TTC39A: variants seen among roughly 807,000 people sequenced by gnomAD.
TTC39A encodes the protein tetratricopeptide repeat domain 39A.
In TTC39A, 46 loss-of-function variants were observed where a neutral mutation model predicts 82.3. That is an observed-to-expected ratio of 0.56 (90% CI 0.44 to 0.71). The LOEUF is 0.71. Ranked by LOEUF, TTC39A falls within the 30% of genes least tolerant of loss-of-function variation. The probability of loss-of-function intolerance (pLI) is 0.00; values close to 1 mark genes in which losing one functional copy is unlikely to be tolerated. For synonymous variants in TTC39A, 254 were observed against 275.2 expected (o/e 0.92, Z 0.76); for missense variants, 543 against 712.9 (o/e 0.76, Z 2.71).
chr1:51,339,463 G>A (rs1467020996), intron 1 of TTC39A, among the ~76,000 whole-genome samples: 1 of 152,224 alleles, frequency 6.6e-6, no homozygotes, highest in African/African-American at 2.4e-5. Context: ...TGGGCTAAGA[G>A]AAAAATTCCT....
chr1:51,296,386 TG>T (rs1644427501), intron 12 of TTC39A, among the ~76,000 whole-genome samples: 1 of 152,192 alleles, frequency 6.6e-6, no homozygotes, highest in South Asian at 2.1e-4. Context: ...CTTGAAGCAG[TG>T]GCAAGAAGAA....
Position 51,301,654 on chromosome 1 carries a change from A to G in TTC39A, c.971T>C (p.Met324Thr). ...CTGGCCCTTGTAGGTGAAGCACCACATCAGCTCCCAGTAGCACATGTGGTG... is the reference window on the plus strand; with the variant it reads ...CTGGCCCTTGTAGGTGAAGCACCACGTCAGCTCCCAGTAGCACATGTGGTG... ...QFHHMCYWEL[M>T]WCFTYKGQWK... is the part of the protein sequence containing the mutation. Residue 324 changes from methionine to threonine, a missense_variant, in exon 12 of 18, where the codon ATG becomes ACG. Met to Thr is a moderately conservative substitution (Grantham distance 81, BLOSUM62 -1). Transcript: ENST00000680483. 1.9e-6 allele frequency: 3 copies of G among 1,613,880 alleles called. No homozygotes were observed. The highest frequency in any genetic ancestry group is 2.5e-6 in the Non-Finnish European group (3 of 1,179,778).
chr1:51,311,993 G>T, intron 4 of TTC39A, 126 bp downstream of exon 4: 1 of 1,027,412 alleles, frequency 9.7e-7, no homozygotes, highest in Non-Finnish European at 1.4e-6. Flanking sequence ...TGACCCATGT[G>T]TGTCCTGGCA....
At chr1:51,327,709 T>G (rs2148301350) in intron 1 of TTC39A, among the ~76,000 whole-genome samples, 1 of 151,916 alleles carries the variant, frequency 6.6e-6, no homozygotes, top group African/African-American at 2.4e-5. Context: ...ATTTTTTTTT[T>G]TTTTTTTGAG....
At position 51,321,856 on chromosome 1, in the gene TTC39A, G is replaced by A; in HGVS notation, c.42-31C>T. Reference sequence around the variant, plus strand: ...GGAAGAGATGCGGGGCATGACACAGGGGCCCTCCAACCCTCCAGCCTCTCC... The same window carrying A: ...GGAAGAGATGCGGGGCATGACACAGAGGCCCTCCAACCCTCCAGCCTCTCC... On this transcript the variant is annotated intron_variant, in intron 1 of 17. Coordinates refer to ENST00000680483, the MANE Select transcript of TTC39A (RefSeq NM_001297663.2). This position sits in a 1 kb window ranked among gnomAD's most constrained non-coding sequence, Gnocchi z 4.6. 1 of 1,588,090 alleles carries A rather than the reference G, an allele frequency of 6.3e-7. No homozygotes were observed. Among genetic ancestry groups the A allele is most frequent in the Non-Finnish European group, 8.6e-7 (1 of 1,162,676 alleles).
intron 1 of TTC39A, among the ~76,000 whole-genome samples, chr1:51,337,497 G>T (rs1645989478): frequency 6.6e-6 from 1 of 150,570 alleles, no homozygotes; most frequent in Admixed American, 6.6e-5. Context: ...ACAGTCTTCG[G>T]CCCACTGCAA....
chr1:51,341,717 AC>A (rs1181730676), intron 1 of TTC39A, among the ~76,000 whole-genome samples: 1 of 151,826 alleles, frequency 6.6e-6, no homozygotes, highest in African/African-American at 2.4e-5. Flanking sequence ...ACACACACAC[AC>A]AAAAAAAACC....
At position 51,294,503 on chromosome 1, in the gene TTC39A, G is replaced by A. The variant is rs140195424; in HGVS notation, c.1154C>T (p.Pro385Leu). 3 of 1,613,950 alleles carry A rather than the reference G, an allele frequency of 1.9e-6. No homozygotes were observed. The highest frequency in any genetic ancestry group is 1.7e-6 in the Non-Finnish European group (2 of 1,179,874). The change falls in exon 14 of 18, where the codon CCA becomes CTA. Residue 385 changes from proline (P) to leucine (L), a missense_variant. By Grantham distance (98) the Pro-to-Leu change is moderately conservative (BLOSUM62 -3). Transcript: ENST00000680483. The surrounding 1 kb of genome is among the most constrained non-coding windows in gnomAD (Gnocchi z 4.3). ...CCCAGCAATCTTGAGCTTCAGGCCT[G>A]GCACAGCTCTGCGAAAGAGATGGGG... The part of the protein sequence containing the change: ...DDEVELFRAV[P>L]GLKLKIAGKS...
chr1:51,305,100 A>C lies in TTC39A; in HGVS notation c.635T>G (p.Val212Gly). The change falls in exon 8 of 18, where the codon GTG (valine) becomes GGG (glycine). Residue 212 changes from valine (V) to glycine (G), a missense_variant. Coordinates refer to ENST00000680483, the MANE Select transcript of TTC39A (RefSeq NM_001297663.2). Reference sequence around the variant, plus strand: ...GGTTACCTTGTTTCCTGAAAACCCCACAAACTCCAACAGCCTCAGGATCCT... The same window carrying C: ...GGTTACCTTGTTTCCTGAAAACCCCCCAAACTCCAACAGCCTCAGGATCCT... Reference protein sequence around the residue: ...PTRILRLLEFVGFSGNKDYGL... With the variant: ...PTRILRLLEFGGFSGNKDYGL... 6.2e-7 allele frequency: 1 copy of C among 1,613,532 alleles called. No individual in the cohort carries two copies. Among genetic ancestry groups the C allele is most frequent in the Non-Finnish European group, 8.5e-7 (1 of 1,179,598 alleles).
Position 51,342,197 on chromosome 1 carries a change from G to A in TTC39A, c.53+2794C>T, listed in dbSNP as rs144982057. On this transcript the variant is annotated intron_variant, in intron 1 of 5. Transcript: ENST00000401051. ...CCATTGTAAGATGCATGGGCGTTAG[G>A]AACAGTCCCCTTTCCTTTTCCCAGC... Among the ~76,000 whole-genome samples, 186 of 152,268 alleles carry A rather than the reference G, an allele frequency of 1.2e-3. 1 individual carries two copies. In the South Asian group the frequency reaches 0.02, roughly 16 times the overall value.
chr1:51,336,531 C>A (rs1354455161), intron 1 of TTC39A, among the ~76,000 whole-genome samples: 1 of 152,080 alleles, frequency 6.6e-6, no homozygotes, highest in Non-Finnish European at 1.5e-5. Context: ...GCACAAGGGA[C>A]CAAGAACAGC....
chr1:51,289,373 A>G (rs760866631), intron 16 of TTC39A, among the ~76,000 whole-genome samples: 1 of 151,846 alleles, frequency 6.6e-6, no homozygotes, highest in African/African-American at 2.4e-5. Context: ...GGCCCTTCTC[A>G]TTCTATCCCT....
chr1:51,290,234 CCT>C, intron 15 of TTC39A, 115 bp from the exon 16 acceptor site: 1 of 940,904 alleles, frequency 1.1e-6, no homozygotes, highest in East Asian at 2.6e-5. Context: ...AGACACAGTC[CCT>C]GTCCTCAGCA....
At chr1:51,322,998 G>T (rs72906172) in intron 1 of TTC39A, among the ~76,000 whole-genome samples, 2,738 of 152,164 alleles carry the variant, frequency 0.018, 87 homozygotes, top group African/African-American at 0.064. Context: ...CCCAGTCTTT[G>T]CCTTTCTTTT....
At chr1:51,309,195 G>C (rs772474150) in intron 6 of TTC39A, 66 bp downstream of exon 6, 54 of 1,522,024 alleles carry the variant, frequency 3.5e-5, no homozygotes, top group Non-Finnish European at 4.6e-5. Context: ...AGCCGCCTGA[G>C]GGGGACAGCC....
In TTC39A at chr1:51,288,128, G is replaced by A. The variant is rs745834809; in HGVS notation, c.*29C>T. 1.1e-5 allele frequency: 17 copies of A among 1,613,496 alleles called. No homozygotes were observed. The East Asian group carries it at 3.6e-4, about 34-fold the overall frequency. ...TCAGGAGCTCTGTCCAGCTGTCTCT[G>A]TCTTCCAGCCCGGAACTGCTGCACA... On this transcript the variant is annotated 3_prime_UTR_variant, in exon 18 of 18. Coordinates refer to ENST00000680483, the MANE Select transcript of TTC39A (RefSeq NM_001297663.2). The surrounding 1 kb of genome is among the most constrained non-coding windows in gnomAD (Gnocchi z 4.8).
chr1:51,304,973 G>A, intron 8 of TTC39A, 108 bp downstream of exon 8: 2 of 1,205,284 alleles, frequency 1.7e-6, no homozygotes, highest in South Asian at 2.5e-5. Flanking sequence ...GAGAGGGGCT[G>A]AGCCAGGATG....
chr1:51,299,364 C>T (rs370787487), intron 12 of TTC39A: 2 of 152,260 alleles, frequency 1.3e-5, no homozygotes, highest in Admixed American at 6.5e-5. Context: ...TCCGTTCATC[C>T]GTCGCTCAGC....
intron 1 of TTC39A, among the ~76,000 whole-genome samples, chr1:51,324,000 G>C (rs2148289038): frequency 6.6e-6 from 1 of 152,266 alleles, no homozygotes; most frequent in South Asian, 2.1e-4. Context: ...ATTGCTCCAG[G>C]AAGGATTTTT....
Sources: allele counts gnomAD v4.1 joint callset (sites outside exome capture counted in the v4.1 genomes callset), GRCh38; gene constraint gnomAD v4.1.1; non-coding constraint Gnocchi (gnomAD v3.1); transcripts MANE v1.5; gene names NCBI Gene and HGNC (gene_info 2026-07-23, HGNC 2026-07-21).